PITPNC1: variants seen among roughly 807,000 people sequenced by gnomAD.
The protein encoded by PITPNC1 is cytoplasmic phosphatidylinositol transfer protein 1.
PITPNC1 carries 18 observed loss-of-function variants against 44.7 expected under a neutral mutation model. That is an observed-to-expected ratio of 0.40 (90% CI 0.28 to 0.60). PITPNC1 has a LOEUF of 0.60. PITPNC1 is among the 20% of genes least tolerant of loss of function. The probability of loss-of-function intolerance (pLI) is 0.39; values close to 1 mark genes in which losing one functional copy is unlikely to be tolerated. For missense variants in PITPNC1, 290 were observed against 418.4 expected, an observed-to-expected ratio of 0.69 and a Z score of 2.68; for synonymous variants, 141 against 149.6, an observed-to-expected ratio of 0.94 and a Z score of 0.42.
At chr17:67,554,529 A>T (rs921918330) in intron 4 of PITPNC1, among the ~76,000 whole-genome samples, 2 of 152,124 alleles carry the variant, frequency 1.3e-5, no homozygotes, top group African/African-American at 4.8e-5. Context: ...AAGTGTTGGG[A>T]TTACAGGTGT....
intron 5 of PITPNC1, among the ~76,000 whole-genome samples, chr17:67,621,419 G>A (rs1372438628): frequency 6.6e-6 from 1 of 151,998 alleles, no homozygotes; most frequent in East Asian, 1.9e-4. Flanking sequence ...TGTTGGCCAG[G>A]CTGGTCTCAA....
At chr17:67,664,904 C>CAAAA (rs541838718) in intron 6 of PITPNC1, among the ~76,000 whole-genome samples, 1 of 91,608 alleles carries the variant, frequency 1.1e-5, no homozygotes, top group Non-Finnish European at 2.2e-5. Context: ...GACTCCATCT[C>CAAAA]AAAAAAAAAA....
At chr17:67,500,853 A>AT (rs113737016) in intron 1 of PITPNC1, among the ~76,000 whole-genome samples, 2,529 of 142,382 alleles carry the variant, frequency 0.018, 27 homozygotes, top group South Asian at 0.044. Flanking sequence ...ACTTGACAAA[A>AT]TTTTTTTTTT....
chr17:67,475,781 G>A (rs1289173747), intron 1 of PITPNC1, among the ~76,000 whole-genome samples: 1 of 152,164 alleles, frequency 6.6e-6, no homozygotes, highest in Non-Finnish European at 1.5e-5. Context: ...TCAGGATTCA[G>A]TGCCAGGAAT....
chr17:67,431,811 G>A (rs189149540), intron 1 of PITPNC1, among the ~76,000 whole-genome samples: 14 of 152,276 alleles, frequency 9.2e-5, no homozygotes, highest in Admixed American at 9.2e-4. Flanking sequence ...AGAACCAAAA[G>A]ATGAGTCACT....
chr17:67,378,609 G>A (rs34685754), intron 1 of PITPNC1, among the ~76,000 whole-genome samples: 40,930 of 152,108 alleles, frequency 0.27, 6,918 homozygotes, highest in Non-Finnish European at 0.38. Flanking sequence ...GCCCTCTGCG[G>A]TCAGGTAGGG....
intron 1 of PITPNC1, among the ~76,000 whole-genome samples, chr17:67,428,872 G>T (rs1319747789): frequency 8.5e-6 from 1 of 117,214 alleles, no homozygotes; most frequent in South Asian, 2.6e-4. Context: ...ACGGAGTCTC[G>T]CTCTGTCACC....
At chr17:67,537,057 C>T (rs375936147) in intron 2 of PITPNC1, among the ~76,000 whole-genome samples, 27 of 152,176 alleles carry the variant, frequency 1.8e-4, no homozygotes, top group African/African-American at 6.0e-4. Flanking sequence ...AAAACATTAG[C>T]GAATAAAATA....
At position 67,532,896 on chromosome 17, in the gene PITPNC1, AG is replaced by A; in HGVS notation, c.145del (p.Asp49ThrfsTer34). On this transcript the variant is annotated frameshift_variant, in exon 2 of 9. Transcript: ENST00000581322. LOFTEE classifies it high-confidence loss of function. ...GVEVVQNEPFEDPHHGNGQFT... is the reference protein window; with the variant it reads ...GVEVVQNEPFXDPHHGNGQFT... ...GAGGTCGTCCAGAATGAGCCCTTTGAGGACCCTCACCATGGCAATGGGCAGT... is the reference window on the plus strand; with the variant it reads ...GAGGTCGTCCAGAATGAGCCCTTTGAGACCCTCACCATGGCAATGGGCAGT... 1 of 1,610,172 alleles carries A rather than the reference AG, an allele frequency of 6.2e-7. No homozygotes were observed. Among genetic ancestry groups the A allele is most frequent in the Non-Finnish European group, 8.5e-7 (1 of 1,178,540 alleles).
At chr17:67,420,048 G>A (rs938265024) in intron 1 of PITPNC1, among the ~76,000 whole-genome samples, 1 of 152,164 alleles carries the variant, frequency 6.6e-6, no homozygotes, top group Non-Finnish European at 1.5e-5. Context: ...ATGCATTTTG[G>A]ACCTGACATG....
chr17:67,521,168 T>C (rs2040320929), intron 1 of PITPNC1, among the ~76,000 whole-genome samples: 2 of 152,188 alleles, frequency 1.3e-5, no homozygotes, highest in South Asian at 4.1e-4. Flanking sequence ...GCAGGAAGCA[T>C]AGCCTGAGCC....
intron 4 of PITPNC1, among the ~76,000 whole-genome samples, chr17:67,572,369 A>G (rs2041070390): frequency 6.7e-6 from 1 of 150,238 alleles, no homozygotes; most frequent in African/African-American, 2.4e-5. Context: ...GTTAGATGGT[A>G]TATTCCTAGT....
At chr17:67,572,388 A>G (rs1279533179) in intron 4 of PITPNC1, among the ~76,000 whole-genome samples, 1 of 149,290 alleles carries the variant, frequency 6.7e-6, no homozygotes, top group Non-Finnish European at 1.5e-5. Context: ...GTGGAAGCAA[A>G]AGTCTTAGTT....
intron 1 of PITPNC1, chr17:67,378,891 A>G: frequency 1.3e-6 from 1 of 772,872 alleles, no homozygotes; most frequent in Non-Finnish European, 1.6e-6. Flanking sequence ...CGACGCGGCC[A>G]CAGGAGGGCG....
rs1325173912 is a variant in PITPNC1, at chr17:67,697,229, G to A, written c.*4341G>A. 6.6e-5 allele frequency: 10 copies of A among 151,072 alleles called. No homozygotes were observed. Among genetic ancestry groups the A allele is most frequent in the Admixed American group, 5.9e-4 (9 of 15,164 alleles). The allele number at this position is 151,072 out of a possible 1,614,324, so 9.4% of individuals were successfully genotyped here. A position where few individuals can be genotyped will look rare whatever the true frequency, so the allele number is the denominator to read the frequency against. On this transcript the variant is annotated 3_prime_UTR_variant, in exon 9 of 9. Transcript: ENST00000581322. ...AATAACTTACTTTTTCTTACATTCT[G>A]TTGTAAATAAAATACAAAGCAATCT...
intron 1 of PITPNC1, among the ~76,000 whole-genome samples, chr17:67,513,489 G>GTGTGTGTATATATA (rs772483698): frequency 7.2e-6 from 1 of 138,670 alleles, no homozygotes; most frequent in African/African-American, 2.7e-5. Context: ...GTGTGTGTGT[G>GTGTGTGTATATATA]TATATATATA....
intron 8 of PITPNC1, chr17:67,687,164 G>A: frequency 6.3e-7 from 1 of 1,581,576 alleles, no homozygotes; most frequent in Non-Finnish European, 8.7e-7. Flanking sequence ...GGATGACATA[G>A]AGAGTCATGC....
intron 5 of PITPNC1, among the ~76,000 whole-genome samples, chr17:67,615,127 G>A (rs960098945): frequency 1.3e-5 from 2 of 152,134 alleles, no homozygotes; most frequent in African/African-American, 2.4e-5. Flanking sequence ...GGGGAGCAGG[G>A]GCCCGTGGAG....
chr17:67,488,719 G>T (rs2039819042), intron 1 of PITPNC1, among the ~76,000 whole-genome samples: 1 of 152,176 alleles, frequency 6.6e-6, no homozygotes, highest in South Asian at 2.1e-4. Flanking sequence ...TGCCTGTTCA[G>T]TGGTAACTGC....
Sources: gnomAD v4.1 joint callset for allele counts (sites outside exome capture counted in the v4.1 genomes callset) on GRCh38, gnomAD v4.1.1 for gene constraint, MANE v1.5 for transcripts, NCBI Gene and HGNC (gene_info 2026-07-23, HGNC 2026-07-21) for gene names.